Variants in CCDC3 observed in about 807,000 individuals in gnomAD.
CCDC3 encodes the protein coiled-coil domain-containing protein 3.
In CCDC3, 24 loss-of-function variants were observed where a neutral mutation model predicts 21.4. The ratio of observed to expected loss-of-function variants is 1.12; its 90% CI spans 0.81 to 1.58. The LOEUF (loss-of-function observed/expected upper bound fraction) is 1.58, where lower values mean the gene tolerates loss of function less well. Among genes scored for constraint, CCDC3 ranks in the 40% most tolerant of loss-of-function variants. The pLI is 0.00. For missense variants in CCDC3, 425 were observed against 360.9 expected, an observed-to-expected ratio of 1.18 and a Z score of -1.44; for synonymous variants, 186 against 166.0, an observed-to-expected ratio of 1.12 and a Z score of -0.93.
intron 2 of CCDC3, among the ~76,000 whole-genome samples, chr10:12,971,375 G>A (rs1405355846): frequency 6.6e-6 from 1 of 152,192 alleles, no homozygotes; most frequent in Non-Finnish European, 1.5e-5. Context: ...CCACAAATTG[G>A]TCTTTGAGAA....
At chr10:13,052,183 G>T (rs1292037112) in intron 4 of CCDC3, among the ~76,000 whole-genome samples, 1 of 152,074 alleles carries the variant, frequency 6.6e-6, no homozygotes, top group Non-Finnish European at 1.5e-5. Context: ...AGACCAGCCT[G>T]GGCAACATAG....
At chr10:12,983,586 A>C (rs1564308686) in intron 2 of CCDC3, among the ~76,000 whole-genome samples, 1 of 151,438 alleles carries the variant, frequency 6.6e-6, no homozygotes, top group East Asian at 1.9e-4. Flanking sequence ...AAAAAAAAAA[A>C]CAAAAGAAAA....
chr10:12,933,867 G>C (rs1834692612), intron 2 of CCDC3, among the ~76,000 whole-genome samples: 1 of 152,208 alleles, frequency 6.6e-6, no homozygotes, highest in African/African-American at 2.4e-5. Context: ...AACCTGGATA[G>C]AGGTTTATTG....
chr10:13,088,853 T>TA (rs1837144008), intron 3 of CCDC3, among the ~76,000 whole-genome samples: 1 of 152,006 alleles, frequency 6.6e-6, no homozygotes, highest in African/African-American at 2.4e-5. Context: ...TGAAACCTAC[T>TA]AAAAATACCA....
chr10:12,950,388 A>G (rs1379746479), intron 2 of CCDC3, among the ~76,000 whole-genome samples: 4 of 152,242 alleles, frequency 2.6e-5, no homozygotes, highest in Non-Finnish European at 5.9e-5. Context: ...AATGGTCAGG[A>G]GGATGCTCTT....
chr10:12,988,257 T>A (rs1338233210), intron 2 of CCDC3, among the ~76,000 whole-genome samples: 1 of 152,202 alleles, frequency 6.6e-6, no homozygotes, highest in Non-Finnish European at 1.5e-5. Context: ...CCTGGCATGC[T>A]TTTCTGCCTG....
chr10:13,051,419 T>G (rs892122952), intron 4 of CCDC3, among the ~76,000 whole-genome samples: 1 of 152,172 alleles, frequency 6.6e-6, no homozygotes, highest in Admixed American at 6.5e-5. Flanking sequence ...ATTTTGGGCT[T>G]CAACTGTCAG....
At chr10:12,944,566 G>A (rs1834883637) in intron 2 of CCDC3, among the ~76,000 whole-genome samples, 1 of 151,880 alleles carries the variant, frequency 6.6e-6, no homozygotes, top group Admixed American at 6.6e-5. Context: ...TATAAACCAA[G>A]CTGTAAACCA....
chr10:13,017,076 G>A (rs1371665928), intron 5 of CCDC3, among the ~76,000 whole-genome samples: 1 of 152,042 alleles, frequency 6.6e-6, no homozygotes, highest in East Asian at 1.9e-4. Context: ...CTCTTTGGGA[G>A]GTATCATAGC....
intron 2 of CCDC3, among the ~76,000 whole-genome samples, chr10:12,969,970 C>T (rs1206796577): frequency 3.3e-5 from 5 of 152,028 alleles, no homozygotes; most frequent in Non-Finnish European, 5.9e-5. Context: ...CAGTGTATGC[C>T]TATTTAATGA....
chr10:13,065,955 A>C (rs1836816228), intron 4 of CCDC3, among the ~76,000 whole-genome samples: 1 of 152,222 alleles, frequency 6.6e-6, no homozygotes, highest in South Asian at 2.1e-4. Context: ...TGAACGAATG[A>C]GTGGGAAGTG....
intron 2 of CCDC3, 115 bp from the exon 3 acceptor site, chr10:12,898,794 C>T: frequency 3.2e-6 from 4 of 1,262,708 alleles, no homozygotes; most frequent in Non-Finnish European, 4.3e-6. Flanking sequence ...CCCGATTCCC[C>T]ACCCCAGCAT....
chr10:12,965,541 T>C (rs1042428563), intron 2 of CCDC3, among the ~76,000 whole-genome samples: 8 of 152,170 alleles, frequency 5.3e-5, no homozygotes, highest in African/African-American at 1.7e-4. Context: ...GATTTTTGAG[T>C]GTACGTAAGA....
chr10:12,919,810 G>C (rs1047573469), intron 2 of CCDC3, among the ~76,000 whole-genome samples: 3 of 152,184 alleles, frequency 2.0e-5, no homozygotes, highest in African/African-American at 7.2e-5. Context: ...GATGTGCTAT[G>C]ATTAAATCCT....
At chr10:12,926,520 T>C (rs573468808) in intron 2 of CCDC3, among the ~76,000 whole-genome samples, 1 of 152,338 alleles carries the variant, frequency 6.6e-6, no homozygotes, top group African/African-American at 2.4e-5. Context: ...GGAGAGGGCT[T>C]GCTTTCCTTG....
At chr10:13,034,976 A>C (rs3120107) in intron 5 of CCDC3, among the ~76,000 whole-genome samples, 76,861 of 151,254 alleles carry the variant, frequency 0.51, 20,009 homozygotes, top group East Asian at 0.71. Flanking sequence ...CAGTGAGCCA[A>C]GATCACGCCA....
chr10:12,941,931 G>C (rs1834837852), intron 2 of CCDC3, among the ~76,000 whole-genome samples: 1 of 152,198 alleles, frequency 6.6e-6, no homozygotes, highest in African/African-American at 2.4e-5. Context: ...AGACGGCCTT[G>C]AATCATCTAC....
At chr10:12,997,281 C>T (rs1039165852) in intron 2 of CCDC3, among the ~76,000 whole-genome samples, 3 of 151,512 alleles carry the variant, frequency 2.0e-5, no homozygotes, top group Admixed American at 2.0e-4. Flanking sequence ...GTGATACCCA[C>T]ATCAGAACTC....
chr10:12,929,304 CCT>C (rs1348180206), intron 2 of CCDC3, among the ~76,000 whole-genome samples: 1 of 151,592 alleles, frequency 6.6e-6, no homozygotes, highest in African/African-American at 2.4e-5. Context: ...ACCCCACCTT[CCT>C]CTGAGTTTTA....
Sources: allele counts gnomAD v4.1 joint callset (sites outside exome capture counted in the v4.1 genomes callset), GRCh38; gene constraint gnomAD v4.1.1; transcripts MANE v1.5; gene names NCBI Gene and HGNC (gene_info 2026-07-23, HGNC 2026-07-21).